The following CEP68 variants were observed in gnomAD, a reference collection of about 807,000 sequenced individuals.
CEP68 encodes centrosomal protein 68.
A neutral mutation model predicts 55.3 loss-of-function variants in CEP68; 26 were observed. The observed-to-expected ratio is 0.47, with a 90% CI of 0.34 to 0.65. The LOEUF (loss-of-function observed/expected upper bound fraction) is 0.65. Among genes scored for constraint, CEP68 ranks in the 30% least tolerant of loss-of-function variants. CEP68 has a pLI of 0.01. For missense variants in CEP68, 957 were observed against 946.7 expected (o/e 1.01, Z -0.14); for synonymous variants, 402 against 383.2 (o/e 1.05, Z -0.57).
At chr2:65,082,184 A>C (rs1454656256) in intron 5 of CEP68, among the ~76,000 whole-genome samples, 7 of 152,236 alleles carry the variant, frequency 4.6e-5, no homozygotes, top group Non-Finnish European at 1.5e-5. Flanking sequence ...CCTTATGCCC[A>C]AGAGGATCTG....
Position 65,069,441 on chromosome 2 carries a change from C to T in CEP68, c.-4C>T. 6.6e-7 allele frequency: 1 copy of T among 1,504,318 alleles called. No individual in the cohort carries two copies. The highest frequency in any genetic ancestry group is 8.9e-7 in the Non-Finnish European group (1 of 1,125,052). The allele number at this position is 1,504,318 out of a possible 1,614,324, so 93.2% of individuals were successfully genotyped here. A position where few individuals can be genotyped will look rare whatever the true frequency, so the allele number is the denominator to read the frequency against. ...CAGAACCCTGACCTAGGTAGGGAGT[C>T]TCAATGGCCCTGGGTGAAGAAAAGG... is the stretch of plus-strand genomic sequence containing the variant. On this transcript the variant is annotated 5_prime_UTR_variant, in exon 2 of 7. Coordinates refer to ENST00000377990, the MANE Select transcript of CEP68 (RefSeq NM_015147.3).
intron 5 of CEP68, among the ~76,000 whole-genome samples, 182 bp downstream of exon 5, chr2:65,078,146 C>T (rs1676848066): frequency 6.6e-6 from 1 of 152,218 alleles, no homozygotes; most frequent in Non-Finnish European, 1.5e-5. Flanking sequence ...TGCCCCTACA[C>T]ACCTGCTTAG....
chr2:65,078,912 T>TCTAA (rs1172768710), intron 5 of CEP68, among the ~76,000 whole-genome samples: 1 of 152,228 alleles, frequency 6.6e-6, no homozygotes, highest in African/African-American at 2.4e-5. Context: ...CAGGCATGTA[T>TCTAA]CTAAGCATGC....
At chr2:65,067,706 G>A (rs1366854641) in intron 1 of CEP68, among the ~76,000 whole-genome samples, 1 of 152,150 alleles carries the variant, frequency 6.6e-6, no homozygotes, top group Non-Finnish European at 1.5e-5. Context: ...AGGAATGGGG[G>A]ACAAGGGCGG....
chr2:65,070,324 T>C (rs1676401145), intron 2 of CEP68, among the ~76,000 whole-genome samples: 1 of 152,140 alleles, frequency 6.6e-6, no homozygotes, highest in Non-Finnish European at 1.5e-5. Context: ...CAGCTTCTCC[T>C]AGTGGGAGTC....
At chr2:65,059,186 G>A (rs1447566088) in intron 1 of CEP68, among the ~76,000 whole-genome samples, 1 of 152,136 alleles carries the variant, frequency 6.6e-6, no homozygotes, top group Non-Finnish European at 1.5e-5. Context: ...ATCATGAAAA[G>A]CCCAAGAAAT....
In CEP68 at chr2:65,069,742, A is replaced by G. The variant is rs985468557; in HGVS notation, c.298A>G (p.Ser100Gly). 6.2e-7 allele frequency: 1 copy of G among 1,613,994 alleles called. No individual in the cohort carries two copies. The highest frequency in any genetic ancestry group is 1.3e-5 in the African/African-American group (1 of 74,942). The change falls in exon 2 of 7, where the codon AGT becomes GGT. Residue 100 changes from serine (S) to glycine (G), a missense_variant. Physicochemically the swap from Ser to Gly is moderately conservative, Grantham distance 56 (BLOSUM62 0). Transcript: ENST00000377990. ...AGCTGAGAGGTCTGAGCCTGCACTCAGTGGCCTGCCTCCTGCCACCATGGG... is the reference window on the plus strand; with the variant it reads ...AGCTGAGAGGTCTGAGCCTGCACTCGGTGGCCTGCCTCCTGCCACCATGGG... ...PVAERSEPAL[S>G]GLPPATMGSG...
chr2:65,072,349 TGA>T lies in CEP68; in HGVS notation c.1255_1256del (p.Arg419GlyfsTer13). The T allele has an allele frequency of 6.2e-7, 1 of 1,613,854 alleles. No individual in the cohort carries two copies. The highest frequency in any genetic ancestry group is 8.5e-7 in the Non-Finnish European group (1 of 1,179,994). On this transcript the variant is annotated frameshift_variant, in exon 3 of 7. Transcript: ENST00000377990. LOFTEE classifies it high-confidence loss of function. ...CGTTGGGAGCGCAGAGAGCCAGCCC[TGA>T]GGGGTGCGAAGGACCGGCTGACTAT...
intron 1 of CEP68, among the ~76,000 whole-genome samples, chr2:65,067,397 G>T (rs1056446835): frequency 6.6e-6 from 1 of 152,134 alleles, no homozygotes; most frequent in South Asian, 2.1e-4. Flanking sequence ...GGGAACAAAA[G>T]TGGGGGAAGG....
chr2:65,068,521 C>G (rs924608355), intron 1 of CEP68, among the ~76,000 whole-genome samples: 3 of 152,232 alleles, frequency 2.0e-5, no homozygotes, highest in African/African-American at 7.2e-5. Flanking sequence ...CCAGGCCAGC[C>G]TGAGGAGAGT....
At chr2:65,069,114 C>T (rs1364507525) in intron 1 of CEP68, among the ~76,000 whole-genome samples, 2 of 152,130 alleles carry the variant, frequency 1.3e-5, no homozygotes, top group South Asian at 2.1e-4. Flanking sequence ...GGACCCCAGC[C>T]TTGATTGGAC....
chr2:65,074,287 T>C lies in CEP68; in HGVS notation c.1890T>C (p.Phe630=). ...CCTTTTATTTGTCTCTGCAGACATT[T>C]TGCTGTCAGCTGGAAGAGCTGATCT... ...KESLVQCVKT[F]CCQLEELICW... is the part of the protein sequence containing the mutation. Residue 630 remains phenylalanine, a synonymous_variant, in exon 4 of 7, where the codon TTT becomes TTC. Coordinates refer to ENST00000377990, the MANE Select transcript of CEP68 (RefSeq NM_015147.3). 1 of 1,614,164 alleles carries C rather than the reference T, an allele frequency of 6.2e-7. No individual in the cohort carries two copies. The highest frequency in any genetic ancestry group is 8.5e-7 in the Non-Finnish European group (1 of 1,179,984).
At position 65,072,556 on chromosome 2, in the gene CEP68, C is replaced by T. The variant is rs148969785; in HGVS notation, c.1460C>T (p.Ala487Val). ...GATGACGAGTATCTTGCCCTCCCCG[C>T]TCGGCTGACACAGGTTTCTAGCCTG... ...ESDDEYLALP[A>V]RLTQVSSLVS... Residue 487 changes from alanine to valine, a missense_variant, in exon 3 of 7, where the codon GCT (alanine) becomes GTT (valine). Coordinates refer to ENST00000377990, the MANE Select transcript of CEP68 (RefSeq NM_015147.3). 1.6e-5 allele frequency: 26 copies of T among 1,614,120 alleles called. No homozygotes were observed. The highest frequency in any genetic ancestry group is 1.9e-5 in the Non-Finnish European group (22 of 1,180,012).
At chr2:65,073,158 T>C in intron 3 of CEP68, 178 bp downstream of exon 3, 2 of 774,306 alleles carry the variant, frequency 2.6e-6, no homozygotes, top group Non-Finnish European at 4.4e-6. Context: ...ACTGTTCTCA[T>C]TTTACTTTTT....
intron 5 of CEP68, among the ~76,000 whole-genome samples, chr2:65,079,297 G>A (rs1218941981): frequency 6.6e-6 from 1 of 152,182 alleles, no homozygotes; most frequent in Non-Finnish European, 1.5e-5. Flanking sequence ...TGATTTTGTG[G>A]GGAATTGTCC....
chr2:65,069,024 G>A (rs1443173802), intron 1 of CEP68, among the ~76,000 whole-genome samples: 1 of 152,096 alleles, frequency 6.6e-6, no homozygotes, highest in Non-Finnish European at 1.5e-5. Context: ...GAACCACTAT[G>A]GGCCTGTGCA....
chr2:65,069,296 T>C, intron 1 of CEP68, 103 bp from the exon 2 acceptor site: 1 of 669,210 alleles, frequency 1.5e-6, no homozygotes, highest in Non-Finnish European at 2.5e-6. Context: ...GTTTCCTTTT[T>C]TCTTTGACCA....
intron 4 of CEP68, 168 bp downstream of exon 4, chr2:65,074,572 A>G (rs2103784089): frequency 2.1e-6 from 2 of 932,980 alleles, no homozygotes; most frequent in Non-Finnish European, 3.4e-6. Flanking sequence ...AACGCTTTGT[A>G]AAATGCATGA....
rs187367652 is a variant in CEP68, at chr2:65,066,322, C to T, written c.-46-3077C>T. ...ATGAAAAGACATTGGACCGGCTGGGCGGTGTGGCTTACACCTGTAATCCTA... is the reference window on the plus strand; with the variant it reads ...ATGAAAAGACATTGGACCGGCTGGGTGGTGTGGCTTACACCTGTAATCCTA... On this transcript the variant is annotated intron_variant, in intron 1 of 6. Transcript: ENST00000377990. 1.1e-4 allele frequency among the ~76,000 whole-genome samples: 17 copies of T among 152,254 alleles called. No homozygotes were observed. In the East Asian group the frequency reaches 1.4e-3, roughly 12 times the overall value.
Sources: allele counts gnomAD v4.1 joint callset (sites outside exome capture counted in the v4.1 genomes callset), GRCh38; gene constraint gnomAD v4.1.1; transcripts MANE v1.5; gene names NCBI Gene and HGNC (gene_info 2026-07-23, HGNC 2026-07-21).